EVA1A: variants seen among roughly 807,000 people sequenced by gnomAD.
The protein encoded by EVA1A is protein eva-1 homolog A.
In EVA1A, 7 loss-of-function variants were observed where a neutral mutation model predicts 9.8. The ratio of observed to expected loss-of-function variants is 0.71; its 90% CI spans 0.41 to 1.34. The LOEUF (loss-of-function observed/expected upper bound fraction) is 1.34, where lower values mean the gene tolerates loss of function less well. Among genes scored for constraint, EVA1A ranks in the 40% most tolerant of loss-of-function variants. EVA1A has a pLI of 0.01. For missense variants in EVA1A, 206 were observed against 205.9 expected (o/e 1.00, Z 0.00); for synonymous variants, 90 against 85.6 (o/e 1.05, Z -0.28).
chr2:75,526,463 A>G lies in EVA1A; in HGVS notation c.-191-3976T>C, dbSNP rs912853901. 1.5e-4 allele frequency among the ~76,000 whole-genome samples: 23 copies of G among 150,964 alleles called. 1 individual carries two copies. The highest frequency in any genetic ancestry group is 5.5e-4 in the African/African-American group (22 of 40,208). ...CTAAGTGCTACTTAATTTAAGTTTC[A>G]TAACAGTCCCATGAGGTAGATGCTA... is the stretch of plus-strand genomic sequence containing the variant. On this transcript the variant is annotated intron_variant, in intron 1 of 3. Transcript: ENST00000393913.
intron 1 of EVA1A, among the ~76,000 whole-genome samples, chr2:75,559,056 G>A (rs956221264): frequency 1.3e-5 from 2 of 152,200 alleles, no homozygotes; most frequent in Non-Finnish European, 2.9e-5. Flanking sequence ...ATAAAAGGAT[G>A]AGAGCTGGAA....
rs575875435 is a variant in EVA1A at position 75,567,809 on chromosome 2, C to T, written c.-192+1667G>A. ...CCAGTGTCCGCGACCAGCAACCAGTCGGTCTCCTGTGTCTGAACACATCTG... is the reference window on the plus strand; with the variant it reads ...CCAGTGTCCGCGACCAGCAACCAGTTGGTCTCCTGTGTCTGAACACATCTG... On this transcript the variant is annotated intron_variant, in intron 1 of 3. Coordinates refer to the EVA1A transcript ENST00000233712. Among the ~76,000 whole-genome samples the T allele has an allele frequency of 9.9e-5, 15 of 152,248 alleles. 1 individual carries two copies. The highest frequency in any genetic ancestry group is 5.2e-4 in the Admixed American group (8 of 15,288).
intron 1 of EVA1A, among the ~76,000 whole-genome samples, chr2:75,543,497 T>C (rs2103946121): frequency 6.6e-6 from 1 of 151,906 alleles, no homozygotes; most frequent in Middle Eastern, 3.5e-3. Flanking sequence ...CCAGAGGAAG[T>C]CAGCAGGAGG....
At chr2:75,507,090 T>G (rs891074631) in intron 3 of EVA1A, among the ~76,000 whole-genome samples, 1 of 152,338 alleles carries the variant, frequency 6.6e-6, no homozygotes, top group Middle Eastern at 3.4e-3. Context: ...GATGTGATTC[T>G]TCTACCTGGC....
intron 1 of EVA1A, among the ~76,000 whole-genome samples, chr2:75,543,670 G>A (rs1346867144): frequency 6.6e-6 from 1 of 152,132 alleles, no homozygotes; most frequent in Admixed American, 6.5e-5. Context: ...GGGGAGGTGG[G>A]CGGCTTCTAC....
chr2:75,495,103 C>T (rs1674162480), intron 3 of EVA1A, among the ~76,000 whole-genome samples: 1 of 152,172 alleles, frequency 6.6e-6, no homozygotes, highest in Admixed American at 6.5e-5. Flanking sequence ...CCAATTTCCC[C>T]TGAGTCCCCA....
chr2:75,517,954 G>A (rs1675073339), intron 3 of EVA1A, 102 bp downstream of exon 3: 2 of 1,326,208 alleles, frequency 1.5e-6, no homozygotes, highest in Non-Finnish European at 2.1e-6. Context: ...TGATTACGTA[G>A]TGTGTCTTTA....
chr2:75,568,637 A>C (rs946877163), intron 1 of EVA1A, among the ~76,000 whole-genome samples: 2 of 152,046 alleles, frequency 1.3e-5, no homozygotes, highest in African/African-American at 4.8e-5. Context: ...TCAAGTCCCC[A>C]AAATTTATTA....
chr2:75,563,084 G>C (rs1676957443), upstream of EVA1A, among the ~76,000 whole-genome samples: 1 of 152,228 alleles, frequency 6.6e-6, no homozygotes, highest in South Asian at 2.1e-4. Context: ...AATATGTGTT[G>C]GTACTTAGTA....
rs576817660 is a variant in EVA1A at position 75,512,315 on chromosome 2, T to C, written c.85+5741A>G. Reference sequence around the variant, plus strand: ...CAATTAAAAAAGAAATCTTAAGTCCTCCAATCCAAGTGCTAATATACAGGG... The same window carrying C: ...CAATTAAAAAAGAAATCTTAAGTCCCCCAATCCAAGTGCTAATATACAGGG... On this transcript the variant is annotated intron_variant, in intron 3 of 3. Transcript: ENST00000393913. 1.8e-4 allele frequency among the ~76,000 whole-genome samples: 27 copies of C among 152,204 alleles called. No homozygotes were observed. In the South Asian group the frequency reaches 5.6e-3, roughly 32 times the overall value.
At position 75,512,790 on chromosome 2, in the gene EVA1A, G is replaced by A. The variant is rs375226623; in HGVS notation, c.85+5266C>T. ...CAGGAGATTGTCCTGTGCATTGTAG[G>A]ATGCTTCTCCACCCATTAGATGCCA... On this transcript the variant is annotated intron_variant, in intron 3 of 3. Coordinates refer to ENST00000393913, the MANE Select transcript of EVA1A (RefSeq NM_001135032.2). Among the ~76,000 whole-genome samples the A allele has an allele frequency of 5.6e-3, 858 of 152,204 alleles. 8 individuals carry two copies. Among genetic ancestry groups the A allele is most frequent in the Middle Eastern group, 0.014 (4 of 294 alleles).
chr2:75,502,889 G>A (rs1041932650), intron 3 of EVA1A, among the ~76,000 whole-genome samples: 2 of 152,154 alleles, frequency 1.3e-5, no homozygotes, highest in African/African-American at 2.4e-5. Context: ...AATAGAAAAC[G>A]ATATTAAAGG....
chr2:75,529,464 C>G (rs956956209), intron 1 of EVA1A, among the ~76,000 whole-genome samples: 3 of 152,112 alleles, frequency 2.0e-5, no homozygotes, highest in African/African-American at 7.2e-5. Context: ...CATCAGCACA[C>G]AGAACATTAT....
chr2:75,496,718 A>G (rs562143179), intron 3 of EVA1A, among the ~76,000 whole-genome samples: 1 of 152,228 alleles, frequency 6.6e-6, no homozygotes, highest in Non-Finnish European at 1.5e-5. Flanking sequence ...AGAGCGTTCA[A>G]ATAGCCAAAG....
At chr2:75,556,091 T>G (rs77778348) in intron 1 of EVA1A, among the ~76,000 whole-genome samples, 6,568 of 152,300 alleles carry the variant, frequency 0.043, 225 homozygotes, top group African/African-American at 0.089. Context: ...CAGGTCTTCA[T>G]CTTTGTGTCT....
At chr2:75,512,090 A>C (rs1000398880) in intron 3 of EVA1A, among the ~76,000 whole-genome samples, 1 of 152,060 alleles carries the variant, frequency 6.6e-6, no homozygotes, top group Non-Finnish European at 1.5e-5. Flanking sequence ...GTGACTTTTG[A>C]GAAAAAAAAA....
At chr2:75,498,119 G>A (rs545333131) in intron 3 of EVA1A, among the ~76,000 whole-genome samples, 1 of 152,134 alleles carries the variant, frequency 6.6e-6, no homozygotes, top group African/African-American at 2.4e-5. Context: ...AGGAAATGTG[G>A]TACATATGCA....
At chr2:75,517,659 T>C (rs1675061877) in intron 3 of EVA1A, among the ~76,000 whole-genome samples, 1 of 152,018 alleles carries the variant, frequency 6.6e-6, no homozygotes, top group African/African-American at 2.4e-5. Flanking sequence ...ATATACTCTC[T>C]CTCCCACACA....
At chr2:75,565,845 G>A (rs543535079), upstream of EVA1A, among the ~76,000 whole-genome samples, 3 of 152,304 alleles carry the variant, frequency 2.0e-5, no homozygotes, top group South Asian at 4.1e-4. Flanking sequence ...TCAGGAGGCC[G>A]AAAATTTTTT....
Sources: gnomAD v4.1 joint callset for allele counts (sites outside exome capture counted in the v4.1 genomes callset) on GRCh38, gnomAD v4.1.1 for gene constraint, MANE v1.5 for transcripts, NCBI Gene and HGNC (gene_info 2026-07-23, HGNC 2026-07-21) for gene names.